Variants in ZNF804B observed in about 807,000 individuals in gnomAD.
ZNF804B encodes zinc finger protein 804B, also known as zinc finger 804B.
In ZNF804B, 80 loss-of-function variants were observed where a neutral mutation model predicts 101.4. That is an observed-to-expected ratio of 0.79 (90% CI 0.66 to 0.95). ZNF804B has a LOEUF of 0.95. Among genes scored for constraint, ZNF804B ranks in the 40% least tolerant of loss-of-function variants. The pLI is 0.00. For synonymous variants in ZNF804B, 622 were observed against 558.8 expected (o/e 1.11, Z -1.59); for missense variants, 1,673 against 1,561.9 (o/e 1.07, Z -1.20).
intron 1 of ZNF804B, among the ~76,000 whole-genome samples, chr7:88,885,759 C>T (rs1368599114): frequency 6.6e-6 from 1 of 151,004 alleles, no homozygotes; most frequent in African/African-American, 2.4e-5. Context: ...ATTGTGAAAT[C>T]GATAAAATAT....
At chr7:88,882,592 A>G (rs560741079) in intron 1 of ZNF804B, among the ~76,000 whole-genome samples, 33 of 152,292 alleles carry the variant, frequency 2.2e-4, no homozygotes, top group African/African-American at 7.9e-4. Context: ...TTGCAGTACT[A>G]TTCACAATAA....
intron 2 of ZNF804B, among the ~76,000 whole-genome samples, chr7:89,271,247 A>G (rs990265925): frequency 6.6e-6 from 1 of 152,120 alleles, no homozygotes; most frequent in Non-Finnish European, 1.5e-5. Context: ...TCCCATCAGT[A>G]CCTAATTTAT....
At chr7:89,185,339 G>A (rs1331556260) in intron 1 of ZNF804B, among the ~76,000 whole-genome samples, 1 of 152,106 alleles carries the variant, frequency 6.6e-6, no homozygotes, top group Non-Finnish European at 1.5e-5. Flanking sequence ...ATTTCTTGAA[G>A]TAAACATTCT....
chr7:89,301,914 T>C (rs1165610334), intron 2 of ZNF804B, among the ~76,000 whole-genome samples: 2 of 151,844 alleles, frequency 1.3e-5, no homozygotes, highest in African/African-American at 4.8e-5. Flanking sequence ...ATAACATTGT[T>C]TGACATAAAT....
At chr7:89,113,390 T>G (rs781375168) in intron 1 of ZNF804B, among the ~76,000 whole-genome samples, 2 of 151,930 alleles carry the variant, frequency 1.3e-5, no homozygotes, top group Non-Finnish European at 2.9e-5. Flanking sequence ...AAAAATAGCA[T>G]AAAGAGTGAA....
At chr7:89,041,324 T>A (rs1789014487) in intron 1 of ZNF804B, among the ~76,000 whole-genome samples, 2 of 152,056 alleles carry the variant, frequency 1.3e-5, no homozygotes, top group Non-Finnish European at 2.9e-5. Context: ...CTGCTACCTG[T>A]ATCTTTGTGG....
chr7:89,271,166 C>T (rs1347400758), intron 2 of ZNF804B, among the ~76,000 whole-genome samples: 3 of 152,128 alleles, frequency 2.0e-5, no homozygotes, highest in South Asian at 2.1e-4. Flanking sequence ...GGAATGCTTC[C>T]AGTTTTTGCT....
chr7:88,863,196 C>G (rs1378976287), intron 1 of ZNF804B, among the ~76,000 whole-genome samples: 1 of 152,064 alleles, frequency 6.6e-6, no homozygotes, highest in Non-Finnish European at 1.5e-5. Context: ...ACATGCTGTT[C>G]TCTCTCCCTA....
chr7:89,333,295 A>T (rs1396343312), intron 3 of ZNF804B, 68 bp from the exon 4 acceptor site: 2 of 1,369,632 alleles, frequency 1.5e-6, no homozygotes, highest in African/African-American at 2.9e-5. Context: ...AACACTATGA[A>T]ATGTTCATAT....
intron 1 of ZNF804B, among the ~76,000 whole-genome samples, chr7:88,800,371 T>C (rs1398949924): frequency 6.6e-6 from 1 of 152,162 alleles, no homozygotes; most frequent in African/African-American, 2.4e-5. Flanking sequence ...TAATTACTTA[T>C]CAAGGAGAGC....
intron 1 of ZNF804B, among the ~76,000 whole-genome samples, chr7:89,035,942 ATATATT>A (rs1788919973): frequency 6.9e-6 from 1 of 144,714 alleles, no homozygotes; most frequent in Non-Finnish European, 1.5e-5. Context: ...ATATTATATT[ATATATT>A]TATATTATAT....
At chr7:89,227,322 T>C (rs886798787) in intron 2 of ZNF804B, among the ~76,000 whole-genome samples, 8 of 152,214 alleles carry the variant, frequency 5.3e-5, no homozygotes, top group African/African-American at 1.9e-4. Context: ...TCTTGTATCC[T>C]AATTGTTCCT....
At position 89,299,338 on chromosome 7, in the gene ZNF804B, A is replaced by G. The variant is rs116891843; in HGVS notation, c.250-28006A>G. On this transcript the variant is annotated intron_variant, in intron 2 of 3. Transcript: ENST00000333190. ...AAATGTCAGTTATCTGTAACATGTT[A>G]TTTTGCATATAAAAAATCTATGTTG... Among the ~76,000 whole-genome samples, 240 of 152,154 alleles carry G rather than the reference A, an allele frequency of 1.6e-3. 6 individuals carry two copies. The East Asian group carries it at 0.032, about 21-fold the overall frequency.
intron 1 of ZNF804B, among the ~76,000 whole-genome samples, chr7:89,190,335 TA>T (rs375967399): frequency 4.0e-3 from 503 of 124,784 alleles, no homozygotes; most frequent in African/African-American, 4.5e-3. Flanking sequence ...AACTCCGTCT[TA>T]AAAAAAAAAA....
chr7:89,179,829 A>G (rs1277017358), intron 1 of ZNF804B, among the ~76,000 whole-genome samples: 1 of 152,126 alleles, frequency 6.6e-6, no homozygotes, highest in Non-Finnish European at 1.5e-5. Flanking sequence ...TTGTGATCTA[A>G]GTTTGGTCTC....
At chr7:89,261,396 G>T (rs1345080528) in intron 2 of ZNF804B, among the ~76,000 whole-genome samples, 3 of 151,648 alleles carry the variant, frequency 2.0e-5, no homozygotes, top group East Asian at 3.9e-4. Flanking sequence ...ATATATATTT[G>T]TCTTCAAGTT....
At chr7:88,971,137 G>A (rs1389773192) in intron 1 of ZNF804B, among the ~76,000 whole-genome samples, 1 of 151,348 alleles carries the variant, frequency 6.6e-6, no homozygotes, top group East Asian at 2.0e-4. Context: ...GGTCTTAAAA[G>A]CCTAACCTAT....
chr7:88,885,765 A>T (rs1792116660), intron 1 of ZNF804B, among the ~76,000 whole-genome samples: 1 of 151,606 alleles, frequency 6.6e-6, no homozygotes, highest in Non-Finnish European at 1.5e-5. Context: ...AAATCGATAA[A>T]ATATAAAAGC....
At chr7:88,946,733 G>T (rs1793136215) in intron 1 of ZNF804B, among the ~76,000 whole-genome samples, 1 of 151,772 alleles carries the variant, frequency 6.6e-6, no homozygotes, top group African/African-American at 2.4e-5. Flanking sequence ...ATCTGTTCCT[G>T]TGCTTTTTTT....
Sources: allele counts gnomAD v4.1 joint callset (sites outside exome capture counted in the v4.1 genomes callset), GRCh38; gene constraint gnomAD v4.1.1; transcripts MANE v1.5; gene names NCBI Gene and HGNC (gene_info 2026-07-23, HGNC 2026-07-21).